Variants in AKAP6 observed in about 807,000 individuals in gnomAD.
The protein encoded by AKAP6 is A-kinase anchoring protein 6, also known as A-kinase anchor protein 6.
In AKAP6, 58 loss-of-function variants were observed where a neutral mutation model predicts 188.5. The ratio of observed to expected loss-of-function variants is 0.31; its 90% CI spans 0.25 to 0.38. The LOEUF is 0.38. Among genes scored for constraint, AKAP6 ranks in the 10% least tolerant of loss-of-function variants. The probability of loss-of-function intolerance (pLI) is 1.00; values close to 1 mark genes in which losing one functional copy is unlikely to be tolerated. For missense variants in AKAP6, 2,710 were observed against 2,740.0 expected (o/e 0.99, Z 0.24); for synonymous variants, 989 against 998.6 (o/e 0.99, Z 0.18).
Position 32,535,190 on chromosome 14 carries a change from G to T in AKAP6, c.325-364G>T, listed in dbSNP as rs149572408. Among the ~76,000 whole-genome samples the T allele has an allele frequency of 4.4e-4, 67 of 152,174 alleles. 2 individuals carry two copies. The East Asian group carries it at 0.011, about 26-fold the overall frequency. ...AATATTGTGTGCCCAGTGTAGCTTA[G>T]TGCTAGCAAATAAAACAGCCACTGG... is the stretch of plus-strand genomic sequence containing the variant. On this transcript the variant is annotated intron_variant, in intron 2 of 13. Transcript: ENST00000280979.
intron 2 of AKAP6, among the ~76,000 whole-genome samples, chr14:32,533,229 G>A (rs755585105): frequency 1.1e-4 from 16 of 152,182 alleles, no homozygotes; most frequent in Non-Finnish European, 2.2e-4. Flanking sequence ...TCAGTGTAAT[G>A]TAGAGGAGTA....
chr14:32,404,691 G>GATAGATATATATATATATATATATATAT, intron 1 of AKAP6, among the ~76,000 whole-genome samples: 834 of 44,362 alleles, frequency 0.019, 94 homozygotes, highest in East Asian at 0.067. Context: ...GGAGTCAGGA[G>GATAGATATATATATATATATATATATAT]ATATATATAT....
At chr14:32,472,707 A>G (rs556227074) in intron 2 of AKAP6, among the ~76,000 whole-genome samples, 1 of 151,034 alleles carries the variant, frequency 6.6e-6, no homozygotes, top group South Asian at 2.1e-4. Flanking sequence ...TGTTGGGCTC[A>G]TTGTGCTCTG....
intron 11 of AKAP6, among the ~76,000 whole-genome samples, chr14:32,738,361 G>A (rs943951696): frequency 6.6e-5 from 10 of 152,118 alleles, no homozygotes; most frequent in African/African-American, 1.7e-4. Flanking sequence ...AGGCCACAGC[G>A]CTGGCCTGGT....
At chr14:32,583,232 G>T (rs942560757) in intron 5 of AKAP6, among the ~76,000 whole-genome samples, 8 of 152,218 alleles carry the variant, frequency 5.3e-5, no homozygotes, top group Non-Finnish European at 1.0e-4. Context: ...CTGCAGGTCT[G>T]TTGGAGTTTG....
At chr14:32,439,793 G>A (rs1890509522) in intron 2 of AKAP6, among the ~76,000 whole-genome samples, 1 of 152,084 alleles carries the variant, frequency 6.6e-6, no homozygotes, top group African/African-American at 2.4e-5. Flanking sequence ...AAAGTTACTG[G>A]CTCGGTGGAT....
intron 1 of AKAP6, among the ~76,000 whole-genome samples, chr14:32,411,255 G>A (rs541188318): frequency 9.9e-5 from 15 of 152,148 alleles, no homozygotes; most frequent in African/African-American, 3.6e-4. Context: ...CCAAGATTGA[G>A]AAATCCTGCT....
chr14:32,617,596 C>A (rs918861231), intron 7 of AKAP6, among the ~76,000 whole-genome samples: 5 of 152,098 alleles, frequency 3.3e-5, no homozygotes, highest in Non-Finnish European at 7.4e-5. Flanking sequence ...TAACACAAAT[C>A]AAAACCCTTA....
rs763500057 is a variant in AKAP6, at chr14:32,823,682, G to A, written c.5869G>A (p.Val1957Ile). 8.7e-6 allele frequency: 14 copies of A among 1,613,658 alleles called. No homozygotes were observed. The highest frequency in any genetic ancestry group is 1.2e-5 in the Non-Finnish European group (14 of 1,179,900). Residue 1957 changes from valine (V) to isoleucine (I), a missense_variant, in exon 13 of 14, where the codon GTT (valine) becomes ATT (isoleucine). Physicochemically the swap from Val to Ile is conservative, Grantham distance 29. Coordinates refer to ENST00000280979, the MANE Select transcript of AKAP6 (RefSeq NM_004274.5). ...TAGKEFVSQDVRHLPKKCPNH... is the reference protein window; with the variant it reads ...TAGKEFVSQDIRHLPKKCPNH... ...TGGCAAGGAATTTGTTTCCCAAGAT[G>A]TTAGACATCTTCCAAAGAAATGTCC...
At chr14:32,595,028 A>G (rs1885636719) in intron 5 of AKAP6, among the ~76,000 whole-genome samples, 1 of 152,088 alleles carries the variant, frequency 6.6e-6, no homozygotes, top group African/African-American at 2.4e-5. Flanking sequence ...GATTTTCTCC[A>G]TTTTTTCTTC....
At chr14:32,440,316 A>ACTG (rs1890527976) in intron 2 of AKAP6, among the ~76,000 whole-genome samples, 1 of 146,556 alleles carries the variant, frequency 6.8e-6, no homozygotes, top group African/African-American at 2.5e-5. Flanking sequence ...AACATCACAC[A>ACTG]CTGGGGCCTG....
At chr14:32,608,442 G>C (rs1490364802) in intron 7 of AKAP6, among the ~76,000 whole-genome samples, 2 of 149,276 alleles carry the variant, frequency 1.3e-5, no homozygotes, top group Non-Finnish European at 3.0e-5. Context: ...GGAGTTTGCA[G>C]TGAGCTGAGA....
chr14:32,528,100 T>A (rs1882221907), intron 2 of AKAP6, among the ~76,000 whole-genome samples: 1 of 152,206 alleles, frequency 6.6e-6, no homozygotes, highest in South Asian at 2.1e-4. Context: ...CTTAGGTCTG[T>A]GATATATTTT....
intron 9 of AKAP6, among the ~76,000 whole-genome samples, chr14:32,728,051 G>C (rs2030960734): frequency 6.6e-6 from 1 of 152,094 alleles, no homozygotes; most frequent in Non-Finnish European, 1.5e-5. Context: ...GCTGAGCTTG[G>C]ACCCTGGACT....
rs183448986 is a variant in AKAP6 at position 32,833,738 on chromosome 14, A to G, written c.*3933A>G. 2.0e-5 allele frequency: 3 copies of G among 152,336 alleles called. No homozygotes were observed. Among genetic ancestry groups the G allele is most frequent in the Admixed American group, 2.0e-4 (3 of 15,300 alleles). The allele number at this position is 152,336 out of a possible 1,614,324, so 9.4% of individuals were successfully genotyped here. A position where few individuals can be genotyped will look rare whatever the true frequency, so the allele number is the denominator to read the frequency against. ...TTGAAATTTTTTAGAATTTTAAAGA[A>G]AAACTCACTTTTCAAGTGTCATATA... On this transcript the variant is annotated 3_prime_UTR_variant, in exon 14 of 14. Transcript: ENST00000280979.
intron 12 of AKAP6, among the ~76,000 whole-genome samples, chr14:32,802,173 T>C (rs1157395689): frequency 6.6e-6 from 1 of 152,220 alleles, no homozygotes; most frequent in Non-Finnish European, 1.5e-5. Context: ...TACTTTTTTC[T>C]CTGCATTTCA....
intron 11 of AKAP6, among the ~76,000 whole-genome samples, chr14:32,736,804 C>T (rs1199506449): frequency 1.3e-5 from 2 of 151,858 alleles, no homozygotes; most frequent in African/African-American, 4.8e-5. Context: ...AATTTAGTCA[C>T]ATGTGATTCA....
At chr14:32,563,534 G>C (rs1042456596) in intron 4 of AKAP6, among the ~76,000 whole-genome samples, 7 of 152,134 alleles carry the variant, frequency 4.6e-5, no homozygotes, top group Non-Finnish European at 1.0e-4. Context: ...GTATAGAGAT[G>C]ACTGGTCTTT....
At chr14:32,769,202 C>T (rs971473160) in intron 11 of AKAP6, among the ~76,000 whole-genome samples, 1 of 151,482 alleles carries the variant, frequency 6.6e-6, no homozygotes, top group African/African-American at 2.4e-5. Context: ...CACCCACCAC[C>T]ACACCCAGCT....
Sources: allele counts gnomAD v4.1 joint callset (sites outside exome capture counted in the v4.1 genomes callset), GRCh38; gene constraint gnomAD v4.1.1; transcripts MANE v1.5; gene names NCBI Gene and HGNC (gene_info 2026-07-23, HGNC 2026-07-21).